Variants in CCR6 observed in about 807,000 individuals in gnomAD.
The protein encoded by CCR6 is C-C motif chemokine receptor 6, also known as C-C chemokine receptor type 6.
A neutral mutation model predicts 3.0 loss-of-function variants in CCR6; 2 were observed. The observed-to-expected ratio is 0.66, with a 90% CI of 0.27 to 2.07. The LOEUF is 2.07. Ranked by LOEUF, CCR6 falls within the 30% of genes most tolerant of loss-of-function variation. CCR6 has a pLI of 0.14. For synonymous variants in CCR6, 193 were observed against 184.3 expected (o/e 1.05, Z -0.38); for missense variants, 322 against 462.8 (o/e 0.70, Z 2.79).
In CCR6 at chr6:167,136,852, A is replaced by G. The variant is rs1781857742; in HGVS notation, c.622A>G (p.Ile208Val). 3.7e-6 allele frequency: 6 copies of G among 1,614,086 alleles called. No individual in the cohort carries two copies. Among genetic ancestry groups the G allele is most frequent in the Non-Finnish European group, 5.1e-6 (6 of 1,180,046 alleles). Residue 208 changes from isoleucine to valine, a missense_variant, in exon 3 of 3, where the codon ATC becomes GTC. Transcript: ENST00000341935. The surrounding 1 kb of genome is among the most constrained non-coding windows in gnomAD (Gnocchi z 4.6). ...CAAGTACCAGACTGTCTCGGAGCCC[A>G]TCAGGTGGAAGCTGCTGATGTTGGG... ...EPKYQTVSEPIRWKLLMLGLE... is the reference protein window; with the variant it reads ...EPKYQTVSEPVRWKLLMLGLE...
At chr6:167,123,682 G>A (rs1781621495) in intron 1 of CCR6, among the ~76,000 whole-genome samples, 1 of 152,234 alleles carries the variant, frequency 6.6e-6, no homozygotes, top group African/African-American at 2.4e-5. Context: ...GAAGGAGCTT[G>A]TGAGGGGGAG....
At chr6:167,134,497 A>G (rs1781819879) in intron 1 of CCR6, among the ~76,000 whole-genome samples, 3 of 152,178 alleles carry the variant, frequency 2.0e-5, no homozygotes, top group Admixed American at 2.0e-4. Context: ...CAGGGAAGGA[A>G]TGGGGTGGAG....
At chr6:167,119,267 A>G (rs1999460), upstream of CCR6, 92,709 of 152,552 alleles carry the variant, frequency 0.61, 28,444 homozygotes, top group African/African-American at 0.69. Flanking sequence ...GAGGTGGAGG[A>G]GCTCCTCTGT....
chr6:167,132,430 CAACA>C (rs1334540005), intron 1 of CCR6, among the ~76,000 whole-genome samples: 1 of 152,170 alleles, frequency 6.6e-6, no homozygotes, highest in Non-Finnish European at 1.5e-5. Flanking sequence ...GCAGTCCCAC[CAACA>C]AAGTGTGAGA....
chr6:167,112,358 G>T (rs140063466), intron 1 of CCR6, among the ~76,000 whole-genome samples: 13 of 152,276 alleles, frequency 8.5e-5, no homozygotes, highest in African/African-American at 2.9e-4. Context: ...TTGGGAGGCA[G>T]ATTTTTCTGA....
At chr6:167,124,506 ACT>A (rs1195617784) in intron 1 of CCR6, among the ~76,000 whole-genome samples, 5 of 152,184 alleles carry the variant, frequency 3.3e-5, no homozygotes, top group African/African-American at 1.2e-4. Context: ...AGTATGCAAA[ACT>A]CTGATATCAA....
chr6:167,122,805 A>G (rs903295905), upstream of CCR6: 2 of 152,342 alleles, frequency 1.3e-5, no homozygotes, highest in African/African-American at 4.8e-5. This position sits in a 1 kb window ranked among gnomAD's most constrained non-coding sequence, Gnocchi z 4.2. Flanking sequence ...CGGCTTGCAG[A>G]GACTCCTTGC....
rs1311984652 is a variant in CCR6 at position 167,137,441 on chromosome 6, A to G, written c.*86A>G. The G allele has an allele frequency of 7.3e-7, 1 of 1,368,602 alleles. No homozygotes were observed. Among genetic ancestry groups the G allele is most frequent in the Non-Finnish European group, 9.9e-7 (1 of 1,008,224 alleles). The allele number at this position is 1,368,602 out of a possible 1,614,324, so 84.8% of individuals were successfully genotyped here. A position where few individuals can be genotyped will look rare whatever the true frequency, so the allele number is the denominator to read the frequency against. On this transcript the variant is annotated 3_prime_UTR_variant, in exon 3 of 3. Coordinates refer to ENST00000341935, the MANE Select transcript of CCR6 (RefSeq NM_031409.4). This position sits in a 1 kb window ranked among gnomAD's most constrained non-coding sequence, Gnocchi z 4.6. The stretch of plus-strand genomic sequence containing the variant: ...AAGTCTATGGCCAGGTATGCATGGA[A>G]AATGTGGGAATTAAGCAAAATCAAG...
chr6:167,120,509 G>A (rs1010635147), upstream of CCR6, among the ~76,000 whole-genome samples: 2 of 152,114 alleles, frequency 1.3e-5, no homozygotes, highest in African/African-American at 2.4e-5. Flanking sequence ...TGAATTAAAG[G>A]CAATCACAAG....
Position 167,117,487 on chromosome 6 carries a change from A to G in CCR6, c.-98+5473A>G, listed in dbSNP as rs1174034455. On this transcript the variant is annotated intron_variant, in intron 1 of 2. Transcript: ENST00000400926. ...GCTGGAGCGCAGTGGCACGATCTCG[A>G]CTCACTGCAAGCTCCGCCTCCCGGG... Among the ~76,000 whole-genome samples the G allele has an allele frequency of 7.0e-5, 9 of 128,446 alleles. No individual in the cohort carries two copies. In the South Asian group the frequency reaches 1.2e-3, roughly 17 times the overall value. The allele number at this position is 128,446 out of a possible 152,430, so 84.3% of individuals were successfully genotyped here. A position where few individuals can be genotyped will look rare whatever the true frequency, so the allele number is the denominator to read the frequency against.
intron 1 of CCR6, among the ~76,000 whole-genome samples, chr6:167,124,111 G>A (rs149225519): frequency 7.2e-5 from 11 of 152,220 alleles, no homozygotes; most frequent in African/African-American, 2.6e-4. Context: ...AGTCCACTTA[G>A]CAGCAGGACA....
chr6:167,116,047 C>T (rs1022899469), intron 1 of CCR6: 1 of 152,250 alleles, frequency 6.6e-6, no homozygotes, highest in Non-Finnish European at 1.5e-5. Flanking sequence ...CGAATGACTA[C>T]TGGTTAGGTG....
At chr6:167,122,147 G>A (rs1781599052), upstream of CCR6, among the ~76,000 whole-genome samples, 1 of 152,170 alleles carries the variant, frequency 6.6e-6, no homozygotes, top group Admixed American at 6.5e-5. This position sits in a 1 kb window ranked among gnomAD's most constrained non-coding sequence, Gnocchi z 4.2. Context: ...GCGGGCAGTG[G>A]AGCCTCGTGG....
At chr6:167,112,302 GAGTT>G (rs960906390) in intron 1 of CCR6, among the ~76,000 whole-genome samples, 2 of 152,168 alleles carry the variant, frequency 1.3e-5, no homozygotes, top group African/African-American at 4.8e-5. Context: ...CTATTTTAAA[GAGTT>G]AGGGCGGTAA....
At chr6:167,133,963 T>TATATATATAC (rs1781811205) in intron 1 of CCR6, among the ~76,000 whole-genome samples, 1 of 109,694 alleles carries the variant, frequency 9.1e-6, no homozygotes, top group Admixed American at 9.7e-5. Flanking sequence ...TATATATATA[T>TATATATATAC]ATATATAGTT....
At position 167,137,598 on chromosome 6, in the gene CCR6, C is replaced by G. The variant is rs1781869873; in HGVS notation, c.*243C>G. On this transcript the variant is annotated 3_prime_UTR_variant, in exon 3 of 3. Transcript: ENST00000341935. The surrounding 1 kb of genome is among the most constrained non-coding windows in gnomAD (Gnocchi z 4.6). The stretch of plus-strand genomic sequence containing the variant: ...TTGTAGCTCTAGGGTATATATCCGC[C>G]TGGCATTTCACAAAACAGCCTTTGG... 1.0e-5 allele frequency: 4 copies of G among 385,558 alleles called. No homozygotes were observed. The highest frequency in any genetic ancestry group is 1.9e-5 in the Non-Finnish European group (4 of 215,454). The allele number at this position is 385,558 out of a possible 1,614,324, so 23.9% of individuals were successfully genotyped here.
In CCR6 at chr6:167,136,878, G is replaced by C. The variant is rs1241835187; in HGVS notation, c.648G>C (p.Gly216=). 17 of 1,614,040 alleles carry C rather than the reference G, an allele frequency of 1.1e-5. No individual in the cohort carries two copies. The South Asian group carries it at 1.8e-4, about 17-fold the overall frequency. Residue 216 remains glycine (G), a synonymous_variant, in exon 3 of 3, where the codon GGG becomes GGC. Transcript: ENST00000341935. The surrounding 1 kb of genome is among the most constrained non-coding windows in gnomAD (Gnocchi z 4.6). ...EPIRWKLLML[G]LELLFGFFIP... ...TCAGGTGGAAGCTGCTGATGTTGGG[G>C]CTTGAGCTACTCTTTGGTTTCTTTA... is the stretch of plus-strand genomic sequence containing the variant.
chr6:167,136,214 T>C lies in CCR6; in HGVS notation c.10-26T>C. On this transcript the variant is annotated intron_variant, in intron 2 of 2. Coordinates refer to ENST00000341935, the MANE Select transcript of CCR6 (RefSeq NM_031409.4). The surrounding 1 kb of genome is among the most constrained non-coding windows in gnomAD (Gnocchi z 4.6). Reference sequence around the variant, plus strand: ...GGCTACTTGAACACTACACTGCAGCTAACTCTATCTTTGTTTCCTTTCCAG... The same window carrying C: ...GGCTACTTGAACACTACACTGCAGCCAACTCTATCTTTGTTTCCTTTCCAG... The C allele has an allele frequency of 3.1e-6, 5 of 1,608,580 alleles. No individual in the cohort carries two copies. Among genetic ancestry groups the C allele is most frequent in the Non-Finnish European group, 4.2e-6 (5 of 1,176,888 alleles).
chr6:167,135,902 C>T lies in CCR6; in HGVS notation c.-97-136C>T, dbSNP rs567663338. ...CAGAAAGAGGTTGCTGATGCCTATT[C>T]TCAATGAATATTTGTATGTAAAATA... On this transcript the variant is annotated intron_variant, in intron 1 of 2. Coordinates refer to ENST00000341935, the MANE Select transcript of CCR6 (RefSeq NM_031409.4). 7 of 519,206 alleles carry T rather than the reference C, an allele frequency of 1.3e-5. No individual in the cohort carries two copies. The East Asian group carries it at 1.9e-4, about 14-fold the overall frequency. 32.2% of individuals were successfully genotyped at this position (519,206 alleles called of 1,614,324 possible).
Sources: allele counts gnomAD v4.1 joint callset (sites outside exome capture counted in the v4.1 genomes callset), GRCh38; gene constraint gnomAD v4.1.1; non-coding constraint Gnocchi (gnomAD v3.1); transcripts MANE v1.5; gene names NCBI Gene and HGNC (gene_info 2026-07-23, HGNC 2026-07-21).